The following SGCD variants were observed in gnomAD, a reference collection of about 807,000 sequenced individuals.
The protein encoded by SGCD is delta-sarcoglycan.
In SGCD, 18 loss-of-function variants were observed where a neutral mutation model predicts 36.6. That is an observed-to-expected ratio of 0.49 (90% confidence interval 0.34 to 0.73). The LOEUF is 0.73. Among genes scored for constraint, SGCD ranks in the 30% least tolerant of loss-of-function variants. The pLI, the probability that SGCD is intolerant of heterozygous loss-of-function variation, is 0.01. For missense variants in SGCD, 387 were observed against 346.7 expected, an observed-to-expected ratio of 1.12 and a Z score of -0.92; for synonymous variants, 133 against 130.6, an observed-to-expected ratio of 1.02 and a Z score of -0.12.
chr5:156,159,255 G>A (rs1348090787), intron 3 of SGCD, among the ~76,000 whole-genome samples: 2 of 151,672 alleles, frequency 1.3e-5, no homozygotes, highest in African/African-American at 4.9e-5. Flanking sequence ...ATAGTCATAA[G>A]TAAAAGCTAT....
chr5:155,969,503 G>A (rs906019568), intron 1 of SGCD, among the ~76,000 whole-genome samples: 1 of 152,062 alleles, frequency 6.6e-6, no homozygotes, highest in Non-Finnish European at 1.5e-5. Context: ...GTGAAAATGA[G>A]TGTGTGTTGA....
chr5:156,175,183 A>T (rs1367897139), intron 3 of SGCD, among the ~76,000 whole-genome samples: 3 of 152,196 alleles, frequency 2.0e-5, no homozygotes, highest in Non-Finnish European at 4.4e-5. Context: ...TGTAAAAATA[A>T]CCAAGAATAT....
At chr5:156,726,967 T>G (rs978061668) in intron 7 of SGCD, among the ~76,000 whole-genome samples, 2 of 152,232 alleles carry the variant, frequency 1.3e-5, no homozygotes, top group East Asian at 1.9e-4. Flanking sequence ...CATTGTCCTA[T>G]TCTCTACATT....
At chr5:155,803,364 G>A in the SGCD span, among the ~76,000 whole-genome samples, 1 of 152,236 alleles carries the variant, frequency 6.6e-6, no homozygotes, top group African/African-American at 2.4e-5. Flanking sequence ...TACCCTGGCA[G>A]CAGTTGGGAC....
At chr5:156,105,401 T>G (rs1180752161) in intron 1 of SGCD, among the ~76,000 whole-genome samples, 1 of 152,246 alleles carries the variant, frequency 6.6e-6, no homozygotes, top group Non-Finnish European at 1.5e-5. Context: ...CAATTAGCTT[T>G]GTAATATATA....
intron 3 of SGCD, among the ~76,000 whole-genome samples, chr5:156,228,947 A>G (rs941546249): frequency 1.4e-5 from 2 of 147,570 alleles, no homozygotes; most frequent in Non-Finnish European, 2.9e-5. Flanking sequence ...CATTTGAATC[A>G]GTGGCCTGGG....
At chr5:156,328,675 A>T (rs979654361) in intron 1 of SGCD, among the ~76,000 whole-genome samples, 41 of 150,996 alleles carry the variant, frequency 2.7e-4, no homozygotes, top group Non-Finnish European at 5.3e-4. Flanking sequence ...TACTTGGAGG[A>T]GGGACCTGGG....
intron 4 of SGCD, among the ~76,000 whole-genome samples, chr5:156,569,675 G>A (rs1401390583): frequency 1.3e-5 from 2 of 151,986 alleles, no homozygotes; most frequent in African/African-American, 4.8e-5. Context: ...AATGTGGAAA[G>A]AGAGAGCAAG....
At chr5:156,571,051 A>G (rs573790629) in intron 4 of SGCD, among the ~76,000 whole-genome samples, 1 of 146,450 alleles carries the variant, frequency 6.8e-6, no homozygotes, top group Non-Finnish European at 1.5e-5. Flanking sequence ...TTTTTGTTTC[A>G]TTTTGTTTTT....
chr5:156,181,571 C>T (rs1763607525), intron 3 of SGCD, among the ~76,000 whole-genome samples: 1 of 152,190 alleles, frequency 6.6e-6, no homozygotes, highest in African/African-American at 2.4e-5. Context: ...TCAGGCTTTT[C>T]TTTTTATAGC....
chr5:156,204,181 A>G (rs1313545936), intron 3 of SGCD, among the ~76,000 whole-genome samples: 2 of 152,068 alleles, frequency 1.3e-5, no homozygotes, highest in African/African-American at 4.8e-5. Context: ...AACAAGTGTT[A>G]CTGGACCTGC....
chr5:156,086,310 A>C (rs1448616832), intron 1 of SGCD, among the ~76,000 whole-genome samples: 1 of 152,204 alleles, frequency 6.6e-6, no homozygotes, highest in Non-Finnish European at 1.5e-5. Flanking sequence ...TACTTCTGTA[A>C]CCAAACCCAG....
intron 2 of SGCD, among the ~76,000 whole-genome samples, chr5:156,336,323 C>G (rs1400559060): frequency 6.6e-6 from 1 of 152,194 alleles, no homozygotes; most frequent in Non-Finnish European, 1.5e-5. Flanking sequence ...TTAACCATCT[C>G]TTAAACAGGA....
intron 3 of SGCD, among the ~76,000 whole-genome samples, chr5:156,466,992 G>A (rs1005599297): frequency 5.9e-5 from 9 of 152,156 alleles, no homozygotes; most frequent in African/African-American, 2.2e-4. Context: ...TGGGAGACAT[G>A]TTGAAGGTTG....
intron 1 of SGCD, among the ~76,000 whole-genome samples, chr5:155,884,839 A>G (rs2113302359): frequency 8.3e-6 from 1 of 119,770 alleles, no homozygotes; most frequent in East Asian, 2.1e-4. Flanking sequence ...TTAAATGAAA[A>G]GCATGTAACA....
the SGCD span, among the ~76,000 whole-genome samples, chr5:155,864,430 C>T: frequency 3.3e-5 from 5 of 151,230 alleles, no homozygotes; most frequent in East Asian, 1.9e-4. Context: ...TCGGTGGAGG[C>T]GGGGAGGTTG....
At chr5:156,150,391 T>C (rs1482707475) in intron 3 of SGCD, among the ~76,000 whole-genome samples, 2 of 151,686 alleles carry the variant, frequency 1.3e-5, no homozygotes, top group East Asian at 1.9e-4. Context: ...CCCTTTGTAT[T>C]TGGTCGATGT....
chr5:156,699,977 A>G (rs1310549983), intron 7 of SGCD, among the ~76,000 whole-genome samples: 7 of 147,526 alleles, frequency 4.7e-5, no homozygotes, highest in Admixed American at 2.0e-4. Flanking sequence ...TAGTGGGAGC[A>G]GAGGAGGATC....
chr5:156,194,193 TG>T (rs1366932535), intron 3 of SGCD, among the ~76,000 whole-genome samples: 18 of 151,998 alleles, frequency 1.2e-4, no homozygotes, highest in Non-Finnish European at 8.8e-5. Context: ...CTGGGCAACA[TG>T]GCAAAACCCC....
Sources: gnomAD v4.1 joint callset for allele counts (sites outside exome capture counted in the v4.1 genomes callset) on GRCh38, gnomAD v4.1.1 for gene constraint, MANE v1.5 for transcripts, NCBI Gene and HGNC (gene_info 2026-07-23, HGNC 2026-07-21) for gene names.